IGF1: variants seen among roughly 807,000 people sequenced by gnomAD.
IGF1 encodes the protein insulin-like growth factor 1.
Under a neutral mutation model 13.8 loss-of-function variants are expected in IGF1, and 4 were observed. That is an observed-to-expected ratio of 0.29 (90% CI 0.14 to 0.66). The LOEUF (loss-of-function observed/expected upper bound fraction) is 0.66, where lower values mean the gene tolerates loss of function less well. Among genes scored for constraint, IGF1 ranks in the 30% least tolerant of loss-of-function variants. The pLI is 0.78. For synonymous variants in IGF1, 76 were observed against 72.6 expected, an observed-to-expected ratio of 1.05 and a Z score of -0.23; for missense variants, 124 against 188.5, an observed-to-expected ratio of 0.66 and a Z score of 2.00.
At position 102,432,418 on chromosome 12, in the gene IGF1, T is replaced by C. The variant is rs185038321; in HGVS notation, c.221-12728A>G. Among the ~76,000 whole-genome samples, 4 of 152,288 alleles carry C rather than the reference T, an allele frequency of 2.6e-5. No individual in the cohort carries two copies. In the East Asian group the frequency reaches 7.7e-4, roughly 29 times the overall value. ...ATTTATAAGAATAAATTCCAAGGAA[T>C]GGAATTACTGAGTCAAAGGGTATTA... On this transcript the variant is annotated intron_variant, in intron 2 of 3. Transcript: ENST00000337514.
intron 2 of IGF1, among the ~76,000 whole-genome samples, chr12:102,468,585 T>A (rs1029082759): frequency 3.9e-5 from 6 of 152,248 alleles, no homozygotes; most frequent in Non-Finnish European, 7.3e-5. Flanking sequence ...GTTTTAAACA[T>A]GATCTCATGT....
chr12:102,450,819 G>C (rs190746291), intron 2 of IGF1, among the ~76,000 whole-genome samples: 1 of 152,164 alleles, frequency 6.6e-6, no homozygotes, highest in African/African-American at 2.4e-5. Context: ...CTTTGGGCGG[G>C]TTTTCAGAGG....
intron 3 of IGF1, among the ~76,000 whole-genome samples, chr12:102,418,678 A>G (rs571532808): frequency 5.3e-5 from 8 of 152,120 alleles, no homozygotes; most frequent in African/African-American, 1.4e-4. Flanking sequence ...TTTCTACTTA[A>G]TGGCTAAAAT....
At chr12:102,417,645 C>G in intron 3 of IGF1, 1 of 1,365,686 alleles carries the variant, frequency 7.3e-7, no homozygotes, top group Non-Finnish European at 9.4e-7. Flanking sequence ...TCCGTTTTCT[C>G]CATGTTTCTT....
intron 2 of IGF1, among the ~76,000 whole-genome samples, chr12:102,474,444 A>T (rs1465087235): frequency 6.6e-6 from 1 of 152,232 alleles, no homozygotes; most frequent in Non-Finnish European, 1.5e-5. Flanking sequence ...CTGATCGCCA[A>T]TACCCTCACA....
At chr12:102,450,658 A>G (rs965952260) in intron 2 of IGF1, among the ~76,000 whole-genome samples, 17 of 152,216 alleles carry the variant, frequency 1.1e-4, no homozygotes, top group Non-Finnish European at 1.8e-4. Flanking sequence ...CTTTCTTTCA[A>G]ACTCATTTGG....
At chr12:102,466,634 G>A (rs1197551052) in intron 2 of IGF1, among the ~76,000 whole-genome samples, 1 of 152,158 alleles carries the variant, frequency 6.6e-6, no homozygotes, top group Non-Finnish European at 1.5e-5. Context: ...GGGCATAGTG[G>A]CTCATGACTG....
chr12:102,446,960 T>A (rs1273286661), intron 2 of IGF1, among the ~76,000 whole-genome samples: 1 of 152,204 alleles, frequency 6.6e-6, no homozygotes, highest in East Asian at 1.9e-4. Flanking sequence ...ACTTATTTAT[T>A]TCTGCCTTAA....
chr12:102,478,772 T>A, intron 1 of IGF1: 1 of 635,458 alleles, frequency 1.6e-6, no homozygotes, highest in Non-Finnish European at 2.3e-6. Context: ...ATGCCTATTG[T>A]AGCAGCCCAG....
At chr12:102,472,186 T>G (rs1880728847) in intron 2 of IGF1, among the ~76,000 whole-genome samples, 1 of 152,190 alleles carries the variant, frequency 6.6e-6, no homozygotes. Context: ...TAATTAGCTC[T>G]TCATTGGGTC....
Position 102,401,612 on chromosome 12 carries a change from C to T in IGF1, c.*895G>A, listed in dbSNP as rs770254030. On this transcript the variant is annotated 3_prime_UTR_variant, in exon 4 of 4. Coordinates refer to ENST00000337514, the MANE Select transcript of IGF1 (RefSeq NM_000618.5). ...CAAACTACAAAATAGCACCATTATA[C>T]TAAAAAACAGAGTTTTACATACTGT... is the stretch of plus-strand genomic sequence containing the variant. 6.6e-6 allele frequency: 1 copy of T among 152,508 alleles called. No individual in the cohort carries two copies. Among genetic ancestry groups the T allele is most frequent in the Non-Finnish European group, 1.5e-5 (1 of 68,008 alleles). 9.4% of individuals were successfully genotyped at this position (152,508 alleles called of 1,614,324 possible).
At chr12:102,463,717 G>C (rs761339995) in intron 2 of IGF1, among the ~76,000 whole-genome samples, 1 of 152,200 alleles carries the variant, frequency 6.6e-6, no homozygotes, top group Non-Finnish European at 1.5e-5. Context: ...TTCACTTTGA[G>C]TGTATGGACT....
At chr12:102,406,706 G>T (rs1387224639) in intron 3 of IGF1, among the ~76,000 whole-genome samples, 2 of 152,186 alleles carry the variant, frequency 1.3e-5, no homozygotes, top group Admixed American at 1.3e-4. Context: ...GCTAGAAAAG[G>T]CCCTGAAGAG....
In IGF1 at chr12:102,396,896, A is replaced by G. The variant is rs1688293076; in HGVS notation, c.*5611T>C. 1 of 398,208 alleles carries G rather than the reference A, an allele frequency of 2.5e-6. No individual in the cohort carries two copies. Among genetic ancestry groups the G allele is most frequent in the African/African-American group, 2.1e-5 (1 of 48,548 alleles). The allele number at this position is 398,208 out of a possible 1,614,324, so 24.7% of individuals were successfully genotyped here. ...AAGGATCATGTTTAAGATCCATGTAATCATACATTAAGAGGGAACACATGG... is the reference window on the plus strand; with the variant it reads ...AAGGATCATGTTTAAGATCCATGTAGTCATACATTAAGAGGGAACACATGG... On this transcript the variant is annotated 3_prime_UTR_variant, in exon 4 of 4. Coordinates refer to ENST00000337514, the MANE Select transcript of IGF1 (RefSeq NM_000618.5).
intron 1 of IGF1, chr12:102,478,635 C>A: frequency 6.8e-7 from 1 of 1,471,430 alleles, no homozygotes; most frequent in East Asian, 2.6e-5. Flanking sequence ...TACATTTGGA[C>A]ACCCAGGCAG....
intron 2 of IGF1, among the ~76,000 whole-genome samples, chr12:102,432,347 A>G (rs929457780): frequency 2.0e-5 from 3 of 152,232 alleles, no homozygotes; most frequent in African/African-American, 7.2e-5. Flanking sequence ...TAACTAATGC[A>G]GCAATAAATG....
chr12:102,439,969 G>A (rs543637341), intron 2 of IGF1, among the ~76,000 whole-genome samples: 18 of 152,182 alleles, frequency 1.2e-4, no homozygotes, highest in Non-Finnish European at 2.2e-4. Context: ...CCCAGGCGCT[G>A]TGGGAAGCTG....
intron 2 of IGF1, among the ~76,000 whole-genome samples, chr12:102,420,331 G>C (rs1027831194): frequency 1.3e-5 from 2 of 152,188 alleles, no homozygotes; most frequent in African/African-American, 4.8e-5. Context: ...ACTGTTGTAT[G>C]ACTCTGGAAA....
intron 2 of IGF1, among the ~76,000 whole-genome samples, chr12:102,467,609 C>T (rs1251939305): frequency 2.0e-5 from 3 of 152,150 alleles, no homozygotes; most frequent in Non-Finnish European, 4.4e-5. Context: ...CAGGGAATCA[C>T]TTTAGTTTGT....
Sources: allele counts gnomAD v4.1 joint callset (sites outside exome capture counted in the v4.1 genomes callset), GRCh38; gene constraint gnomAD v4.1.1; transcripts MANE v1.5; gene names NCBI Gene and HGNC (gene_info 2026-07-23, HGNC 2026-07-21).